SLC12A1: variants seen among roughly 807,000 people sequenced by gnomAD.
SLC12A1 encodes solute carrier family 12 member 1, also known as Na-K-2Cl cotransporter.
In SLC12A1, 89 loss-of-function variants were observed where a neutral mutation model predicts 130.4. The ratio of observed to expected loss-of-function variants is 0.68; its 90% CI spans 0.58 to 0.81. The LOEUF is 0.81. Ranked by LOEUF, SLC12A1 falls within the 40% of genes least tolerant of loss-of-function variation. The pLI is 0.00. For missense variants in SLC12A1, 1,310 were observed against 1,336.4 expected, an observed-to-expected ratio of 0.98 and a Z score of 0.31; for synonymous variants, 499 against 460.0, an observed-to-expected ratio of 1.08 and a Z score of -1.09.
In SLC12A1 at chr15:48,236,033, G is replaced by T. The variant is rs200791837; in HGVS notation, c.1215+1029G>T. ...CACATGCCCAGATAAAATTTTAGGG[G>T]GTCCTAGTATTAAAAGGAGGAAAGT... On this transcript the variant is annotated intron_variant, in intron 9 of 26. Transcript: ENST00000380993. 1.4e-4 allele frequency among the ~76,000 whole-genome samples: 21 copies of T among 151,698 alleles called. No individual in the cohort carries two copies. The East Asian group carries it at 3.3e-3, about 24-fold the overall frequency.
intron 13 of SLC12A1, 37 bp downstream of exon 13, chr15:48,247,497 G>T (rs751717890): frequency 6.8e-7 from 1 of 1,479,064 alleles, no homozygotes; most frequent in Non-Finnish European, 9.3e-7. Flanking sequence ...GAAAACCAAA[G>T]AATTCTTCTG....
intron 9 of SLC12A1, among the ~76,000 whole-genome samples, chr15:48,239,162 A>T (rs2041472467): frequency 6.6e-6 from 1 of 152,216 alleles, no homozygotes; most frequent in South Asian, 2.1e-4. Context: ...CAGACCAGAC[A>T]ATGTGAATAT....
intron 4 of SLC12A1, chr15:48,224,034 C>T (rs1037606530): frequency 1.3e-5 from 2 of 152,430 alleles, no homozygotes; most frequent in Non-Finnish European, 2.9e-5. Flanking sequence ...CCTCCTTCCA[C>T]TTTCCCTTCT....
Position 48,291,881 on chromosome 15 carries a change from A to G in SLC12A1, c.2960+17A>G. The G allele has an allele frequency of 6.9e-7, 1 of 1,444,144 alleles. No individual in the cohort carries two copies. The highest frequency in any genetic ancestry group is 9.6e-7 in the Non-Finnish European group (1 of 1,046,454). The allele number at this position is 1,444,144 out of a possible 1,614,324, so 89.5% of individuals were successfully genotyped here. A position where few individuals can be genotyped will look rare whatever the true frequency, so the allele number is the denominator to read the frequency against. ...CAAAGAGAGGTATGAAATATTTAACAAGAGACATTGATTACCCATGGTACT... is the reference window on the plus strand; with the variant it reads ...CAAAGAGAGGTATGAAATATTTAACGAGAGACATTGATTACCCATGGTACT... On this transcript the variant is annotated intron_variant, in intron 24 of 26. Transcript: ENST00000380993.
At chr15:48,211,855 G>A (rs897322364) in intron 2 of SLC12A1, among the ~76,000 whole-genome samples, 2 of 152,152 alleles carry the variant, frequency 1.3e-5, no homozygotes, top group African/African-American at 4.8e-5. Context: ...GATAGATATT[G>A]ACAGAATTTA....
At chr15:48,281,265 G>A (rs966700397) in intron 20 of SLC12A1, among the ~76,000 whole-genome samples, 1 of 152,214 alleles carries the variant, frequency 6.6e-6, no homozygotes, top group Non-Finnish European at 1.5e-5. Flanking sequence ...TGGCTGCAAA[G>A]TGTTTGGCAT....
chr15:48,241,698 T>A (rs549983698), intron 10 of SLC12A1, 99 bp downstream of exon 10: 22 of 826,608 alleles, frequency 2.7e-5, no homozygotes, highest in South Asian at 1.0e-4. Context: ...CAGAGTTTTT[T>A]AAAAGGCAAC....
chr15:48,291,986 T>A, intron 24 of SLC12A1, 122 bp downstream of exon 24: 1 of 646,428 alleles, frequency 1.5e-6, no homozygotes, highest in South Asian at 2.1e-5. Context: ...TAGGATCTAA[T>A]AAGAAGAGCC....
chr15:48,299,439 G>A (rs1236902885), intron 25 of SLC12A1, among the ~76,000 whole-genome samples, 164 bp downstream of exon 25: 2 of 152,132 alleles, frequency 1.3e-5, no homozygotes, highest in Non-Finnish European at 2.9e-5. Context: ...TACTGGATAC[G>A]ATTATTTAGA....
chr15:48,294,303 G>A (rs1335825902), intron 24 of SLC12A1, among the ~76,000 whole-genome samples: 3 of 137,006 alleles, frequency 2.2e-5, no homozygotes, highest in East Asian at 2.2e-4. Flanking sequence ...AGCCGAGATC[G>A]CACCACTGCA....
chr15:48,261,070 A>G (rs1358422565), intron 17 of SLC12A1, among the ~76,000 whole-genome samples: 1 of 152,150 alleles, frequency 6.6e-6, no homozygotes, highest in African/African-American at 2.4e-5. Flanking sequence ...CCCCTCTCTC[A>G]TATTATCAAC....
chr15:48,298,964 G>T (rs2042204861), intron 24 of SLC12A1, among the ~76,000 whole-genome samples, 176 bp from the exon 25 acceptor site: 1 of 152,198 alleles, frequency 6.6e-6, no homozygotes, highest in African/African-American at 2.4e-5. Flanking sequence ...GGTAGGGAGG[G>T]AGTACTGTAG....
At chr15:48,230,956 C>T (rs2041368917) in intron 7 of SLC12A1, among the ~76,000 whole-genome samples, 1 of 152,158 alleles carries the variant, frequency 6.6e-6, no homozygotes, top group South Asian at 2.1e-4. Context: ...ACATCATAGG[C>T]TTTAGAACCA....
Position 48,214,851 on chromosome 15 carries a change from C to T in SLC12A1, c.421-5783C>T, listed in dbSNP as rs539385785. Among the ~76,000 whole-genome samples the T allele has an allele frequency of 5.3e-5, 8 of 151,312 alleles. No homozygotes were observed. The South Asian group carries it at 1.5e-3, about 28-fold the overall frequency. On this transcript the variant is annotated intron_variant, in intron 2 of 26. Transcript: ENST00000380993. ...AGTACCTGAGATTTATTTTGTTATTCTCATTACTTTTACATATGTTTGAAT... is the reference window on the plus strand; with the variant it reads ...AGTACCTGAGATTTATTTTGTTATTTTCATTACTTTTACATATGTTTGAAT...
intron 5 of SLC12A1, chr15:48,227,083 T>C (rs1467110354): frequency 6.4e-7 from 1 of 1,551,482 alleles, no homozygotes; most frequent in Admixed American, 2.0e-5. Flanking sequence ...TTGCAGGTCT[T>C]GGAGTCATCA....
At chr15:48,299,508 A>T (rs577119496) in intron 25 of SLC12A1, among the ~76,000 whole-genome samples, 8 of 152,332 alleles carry the variant, frequency 5.3e-5, no homozygotes, top group Non-Finnish European at 1.2e-4. Flanking sequence ...AAAATAGGTT[A>T]TTGGTACATA....
At chr15:48,267,292 C>G (rs917560137) in intron 17 of SLC12A1, among the ~76,000 whole-genome samples, 1 of 152,076 alleles carries the variant, frequency 6.6e-6, no homozygotes, top group Non-Finnish European at 1.5e-5. Context: ...GTCATGTTGC[C>G]CTCAACTCTT....
intron 11 of SLC12A1, among the ~76,000 whole-genome samples, chr15:48,245,576 C>T (rs1425007667): frequency 6.6e-6 from 1 of 152,166 alleles, no homozygotes; most frequent in Non-Finnish European, 1.5e-5. Context: ...TAGCTGCATC[C>T]ACGTTGCTGC....
At chr15:48,226,735 G>A (rs1293119860) in intron 5 of SLC12A1, 164 bp downstream of exon 5, 1 of 652,406 alleles carries the variant, frequency 1.5e-6, no homozygotes, top group African/African-American at 1.8e-5. Flanking sequence ...GATGAGAATA[G>A]TCCAGGTCTA....
Sources: gnomAD v4.1 joint callset for allele counts (sites outside exome capture counted in the v4.1 genomes callset) on GRCh38, gnomAD v4.1.1 for gene constraint, MANE v1.5 for transcripts, NCBI Gene and HGNC (gene_info 2026-07-23, HGNC 2026-07-21) for gene names.